The following ZBTB1 variants were observed in gnomAD, a reference collection of about 807,000 sequenced individuals.
The protein encoded by ZBTB1 is zinc finger and BTB domain-containing protein 1.
Under a neutral mutation model 51.6 loss-of-function variants are expected in ZBTB1, and 13 were observed. The observed-to-expected ratio is 0.25, with a 90% CI of 0.16 to 0.40. The LOEUF is 0.40. Among genes scored for constraint, ZBTB1 ranks in the 10% least tolerant of loss-of-function variants. The pLI is 1.00. For synonymous variants in ZBTB1, 240 were observed against 282.2 expected (o/e 0.85, Z 1.50); for missense variants, 567 against 856.5 (o/e 0.66, Z 4.22).
At chr14:64,521,160 G>A (rs1486557695) in intron 1 of ZBTB1, among the ~76,000 whole-genome samples, 1 of 152,140 alleles carries the variant, frequency 6.6e-6, no homozygotes, top group South Asian at 2.1e-4. Flanking sequence ...ACTGCACTCG[G>A]CCTCCTTCAA....
Position 64,524,286 on chromosome 14 carries a change from TATC to T in ZBTB1, c.*643_*645del, listed in dbSNP as rs141874486. Reference sequence around the variant, plus strand: ...ATATTTCCTATAATTGATAAAATATTATCATTTAATTATCACATTTAAAACTTA... The same window carrying T: ...ATATTTCCTATAATTGATAAAATATTATTTAATTATCACATTTAAAACTTA... On this transcript the variant is annotated 3_prime_UTR_variant, in exon 2 of 2. Transcript: ENST00000683701. 1,580 of 949,468 alleles carry T rather than the reference TATC, an allele frequency of 1.7e-3. 19 individuals carry two copies. The African/African-American group carries it at 0.026, about 16-fold the overall frequency. The allele number at this position is 949,468 out of a possible 1,614,324, so 58.8% of individuals were successfully genotyped here.
downstream of ZBTB1, among the ~76,000 whole-genome samples, chr14:64,526,181 T>A (rs147087160): frequency 2.5e-3 from 375 of 152,292 alleles, 2 homozygotes; most frequent in African/African-American, 8.7e-3. Context: ...TGGAGCTAGC[T>A]ACAGGGAAGC....
chr14:64,529,564 G>A (rs1458899397), downstream of ZBTB1, among the ~76,000 whole-genome samples: 1 of 152,098 alleles, frequency 6.6e-6, no homozygotes, highest in Non-Finnish European at 1.5e-5. Flanking sequence ...TTGAGCCCAG[G>A]AGTTTGAGAC....
chr14:64,518,168 G>A (rs2079815765), intron 1 of ZBTB1, among the ~76,000 whole-genome samples: 1 of 152,070 alleles, frequency 6.6e-6, no homozygotes, highest in African/African-American at 2.4e-5. Flanking sequence ...ACTGCCACAT[G>A]ACAGTGAATT....
Position 64,504,806 on chromosome 14 carries a change from C to T in ZBTB1, c.-159C>T, listed in dbSNP as rs1264698688. The T allele has an allele frequency of 2.6e-6, 1 of 387,122 alleles. No homozygotes were observed. Among genetic ancestry groups the T allele is most frequent in the African/African-American group, 2.1e-5 (1 of 47,998 alleles). 24.0% of individuals were successfully genotyped at this position (387,122 alleles called of 1,614,324 possible). On this transcript the variant is annotated 5_prime_UTR_variant, in exon 1 of 2. Transcript: ENST00000683701. The stretch of plus-strand genomic sequence containing the variant: ...GTCCCTGGCAGAGCCAGAGCCTCTC[C>T]GCGCAGCCCAGCCCGAGCGCCGAGC...
chr14:64,533,031 T>C (rs2079954410), exon 3 of ZBTB1: 1 of 152,112 alleles, frequency 6.6e-6, no homozygotes, highest in Non-Finnish European at 1.5e-5. Flanking sequence ...TTATGACTAT[T>C]TATTCCAATG....
rs2079614832 is a variant in ZBTB1, at chr14:64,504,836, C to T, written c.-129C>T. ...AGCCCAGCCCGAGCGCCGAGCGCCGCGCGCCGCCGCCACTGCAGCTCGCGG... is the reference window on the plus strand; with the variant it reads ...AGCCCAGCCCGAGCGCCGAGCGCCGTGCGCCGCCGCCACTGCAGCTCGCGG... On this transcript the variant is annotated 5_prime_UTR_variant, in exon 1 of 2. Transcript: ENST00000683701. 5.1e-6 allele frequency: 2 copies of T among 393,570 alleles called. No homozygotes were observed. Among genetic ancestry groups the T allele is most frequent in the Non-Finnish European group, 9.0e-6 (2 of 223,118 alleles). 24.4% of individuals were successfully genotyped at this position (393,570 alleles called of 1,614,324 possible). A position where few individuals can be genotyped will look rare whatever the true frequency, so the allele number is the denominator to read the frequency against.
At chr14:64,519,146 CTACT>C (rs760407578) in intron 1 of ZBTB1, among the ~76,000 whole-genome samples, 10 of 143,048 alleles carry the variant, frequency 7.0e-5, no homozygotes, top group Non-Finnish European at 1.5e-4. Context: ...GAATTTTTTG[CTACT>C]TTTTTTTTTT....
chr14:64,523,274 G>A lies in ZBTB1; in HGVS notation c.1770G>A (p.Arg590=). The change falls in exon 2 of 2, where the codon CGG becomes CGA. Residue 590 remains arginine (R), a synonymous_variant. Coordinates refer to ENST00000683701, the MANE Select transcript of ZBTB1 (RefSeq NM_001123329.2). The surrounding 1 kb of genome is among the most constrained non-coding windows in gnomAD (Gnocchi z 4.5). ...CNLCGKGFYQ[R]CHLREHYTVH... ...TGTGTGGAAAAGGATTTTATCAGCGGTGTCACTTAAGAGAACACTATACTG... is the reference window on the plus strand; with the variant it reads ...TGTGTGGAAAAGGATTTTATCAGCGATGTCACTTAAGAGAACACTATACTG... 1 of 1,614,128 alleles carries A rather than the reference G, an allele frequency of 6.2e-7. No individual in the cohort carries two copies. The highest frequency in any genetic ancestry group is 1.1e-5 in the South Asian group (1 of 91,084).
In ZBTB1 at chr14:64,524,029, A is replaced by G. The variant is rs889151859; in HGVS notation, c.*383A>G. The G allele has an allele frequency of 1.0e-6, 1 of 1,002,270 alleles. No homozygotes were observed. Among genetic ancestry groups the G allele is most frequent in the African/African-American group, 1.8e-5 (1 of 57,020 alleles). 62.1% of individuals were successfully genotyped at this position (1,002,270 alleles called of 1,614,324 possible). On this transcript the variant is annotated 3_prime_UTR_variant, in exon 2 of 2. Coordinates refer to ENST00000683701, the MANE Select transcript of ZBTB1 (RefSeq NM_001123329.2). ...CCTGTGAAATTTTAAACCCAGAATC[A>G]TTGGCCATTTCTGTTTAAATTTTAA...
In ZBTB1 at chr14:64,523,848, G is replaced by C. The variant is rs1462685908; in HGVS notation, c.*202G>C. ...TTATCATTTTTGTTGTTTCTTAATA[G>C]AATTATTTGTTTTTAGTTTTTCTTA... On this transcript the variant is annotated 3_prime_UTR_variant, in exon 2 of 2. Transcript: ENST00000683701. This position sits in a 1 kb window ranked among gnomAD's most constrained non-coding sequence, Gnocchi z 4.5. The C allele has an allele frequency of 8.0e-7, 1 of 1,250,254 alleles. No individual in the cohort carries two copies. The highest frequency in any genetic ancestry group is 1.0e-6 in the Non-Finnish European group (1 of 981,166). 77.4% of individuals were successfully genotyped at this position (1,250,254 alleles called of 1,614,324 possible). A position where few individuals can be genotyped will look rare whatever the true frequency, so the allele number is the denominator to read the frequency against.
chr14:64,511,737 G>A (rs571878602), intron 1 of ZBTB1, among the ~76,000 whole-genome samples: 123 of 152,284 alleles, frequency 8.1e-4, no homozygotes, highest in Non-Finnish European at 1.4e-3. Flanking sequence ...TAAAGAGACA[G>A]AAAAATACTA....
chr14:64,503,729 C>T, upstream of ZBTB1: 1 of 517,062 alleles, frequency 1.9e-6, no homozygotes, highest in Non-Finnish European at 2.5e-6. Flanking sequence ...CCGCGCACTG[C>T]AAGCAGTGGC....
At chr14:64,530,522 G>A (rs530869444) in intron 2 of ZBTB1, among the ~76,000 whole-genome samples, 21 of 152,026 alleles carry the variant, frequency 1.4e-4, no homozygotes, top group South Asian at 4.1e-4. Flanking sequence ...CGGGAGAACC[G>A]CTTGAACCTG....
In ZBTB1 at chr14:64,504,798, A is replaced by G; in HGVS notation, c.-167A>G. ...GCAGCACAGTCCCTGGCAGAGCCAG[A>G]GCCTCTCCGCGCAGCCCAGCCCGAG... On this transcript the variant is annotated 5_prime_UTR_variant, in exon 1 of 2. Coordinates refer to ENST00000683701, the MANE Select transcript of ZBTB1 (RefSeq NM_001123329.2). 3 of 385,160 alleles carry G rather than the reference A, an allele frequency of 7.8e-6. No individual in the cohort carries two copies. The highest frequency in any genetic ancestry group is 1.4e-5 in the Non-Finnish European group (3 of 217,328). The allele number at this position is 385,160 out of a possible 1,614,324, so 23.9% of individuals were successfully genotyped here.
chr14:64,525,766 T>C (rs2079899324), downstream of ZBTB1, among the ~76,000 whole-genome samples: 1 of 152,230 alleles, frequency 6.6e-6, no homozygotes, highest in Non-Finnish European at 1.5e-5. Flanking sequence ...TAATTTTACA[T>C]GACTGAGATG....
At chr14:64,527,102 T>C (rs191686385), downstream of ZBTB1, among the ~76,000 whole-genome samples, 47 of 151,664 alleles carry the variant, frequency 3.1e-4, no homozygotes, top group Non-Finnish European at 6.3e-4. Context: ...AACTAACAGT[T>C]TGAGTATGGA....
intron 1 of ZBTB1, among the ~76,000 whole-genome samples, chr14:64,519,633 C>A (rs2079838683): frequency 6.7e-6 from 1 of 148,974 alleles, no homozygotes; most frequent in Non-Finnish European, 1.5e-5. Context: ...CAAAAAAAAA[C>A]TGAATGTGGT....
chr14:64,528,883 T>C (rs934348598), downstream of ZBTB1, among the ~76,000 whole-genome samples: 1 of 152,204 alleles, frequency 6.6e-6, no homozygotes, highest in African/African-American at 2.4e-5. Flanking sequence ...GAACTGGAGT[T>C]TGAACCTAGG....
Sources: allele counts gnomAD v4.1 joint callset (sites outside exome capture counted in the v4.1 genomes callset), GRCh38; gene constraint gnomAD v4.1.1; non-coding constraint Gnocchi (gnomAD v3.1); transcripts MANE v1.5; gene names NCBI Gene and HGNC (gene_info 2026-07-23, HGNC 2026-07-21).